Variants in ERBB4 observed in about 807,000 individuals in gnomAD.
ERBB4 encodes erb-b2 receptor tyrosine kinase 4.
A neutral mutation model predicts 158.0 loss-of-function variants in ERBB4; 42 were observed. That is an observed-to-expected ratio of 0.27 (90% confidence interval 0.21 to 0.34). The LOEUF is 0.34. Ranked by LOEUF, ERBB4 falls within the 10% of genes least tolerant of loss-of-function variation. ERBB4 has a pLI of 1.00. For missense variants in ERBB4, 1,333 were observed against 1,624.1 expected, an observed-to-expected ratio of 0.82 and a Z score of 3.08; for synonymous variants, 583 against 558.7, an observed-to-expected ratio of 1.04 and a Z score of -0.61.
At chr2:211,709,075 A>G (rs948231334) in intron 9 of ERBB4, among the ~76,000 whole-genome samples, 25 of 152,002 alleles carry the variant, frequency 1.6e-4, no homozygotes, top group Non-Finnish European at 2.9e-4. Flanking sequence ...AGTCTGGGTT[A>G]GTCTAAAGTG....
intron 20 of ERBB4, among the ~76,000 whole-genome samples, chr2:211,435,508 A>G (rs2063830127): frequency 6.6e-6 from 1 of 152,170 alleles, no homozygotes; most frequent in Admixed American, 6.5e-5. Context: ...ATGGAGCAGC[A>G]CTGGTCTGTG....
intron 12 of ERBB4, among the ~76,000 whole-genome samples, chr2:211,693,434 T>C (rs934633232): frequency 6.6e-6 from 1 of 152,186 alleles, no homozygotes; most frequent in Non-Finnish European, 1.5e-5. Flanking sequence ...GTTAGCTCTT[T>C]ATCTTTTTCT....
chr2:212,042,279 T>C (rs547263096), intron 2 of ERBB4, among the ~76,000 whole-genome samples: 1 of 152,278 alleles, frequency 6.6e-6, no homozygotes, highest in East Asian at 1.9e-4. Context: ...GGCGCTTTCC[T>C]TTCTACATGC....
chr2:211,511,064 T>C (rs2065872886), intron 20 of ERBB4, among the ~76,000 whole-genome samples: 1 of 151,980 alleles, frequency 6.6e-6, no homozygotes, highest in African/African-American at 2.4e-5. Context: ...TAAGAATGCT[T>C]ATTGGAGTAG....
intron 1 of ERBB4, among the ~76,000 whole-genome samples, chr2:212,533,621 A>T (rs1390886781): frequency 1.3e-5 from 2 of 152,188 alleles, no homozygotes; most frequent in Non-Finnish European, 2.9e-5. Flanking sequence ...TTTCATTATA[A>T]ACTGAAAACT....
intron 16 of ERBB4, 38 bp from the exon 17 acceptor site, chr2:211,630,632 T>C: frequency 1.3e-6 from 2 of 1,561,416 alleles, no homozygotes; most frequent in Non-Finnish European, 1.8e-6. Flanking sequence ...ATAAAAAGTA[T>C]GAAGAGAGAG....
intron 24 of ERBB4, among the ~76,000 whole-genome samples, chr2:211,420,859 C>A (rs1342207945): frequency 6.6e-6 from 1 of 151,840 alleles, no homozygotes; most frequent in Non-Finnish European, 1.5e-5. Context: ...AATAATAAAG[C>A]AAAATCAAAA....
intron 4 of ERBB4, among the ~76,000 whole-genome samples, chr2:211,762,070 T>G (rs1559495565): frequency 6.6e-6 from 1 of 152,216 alleles, no homozygotes; most frequent in African/African-American, 2.4e-5. Context: ...TGGCTTGTAA[T>G]AAGCAGTAAT....
At chr2:212,442,261 C>A (rs539379656) in intron 1 of ERBB4, among the ~76,000 whole-genome samples, 1 of 151,880 alleles carries the variant, frequency 6.6e-6, no homozygotes, top group African/African-American at 2.4e-5. Context: ...ATTTGAATTA[C>A]AAAAAAAGGG....
chr2:211,468,134 T>C (rs2064741685), intron 20 of ERBB4, among the ~76,000 whole-genome samples: 1 of 152,144 alleles, frequency 6.6e-6, no homozygotes. Context: ...TTAGTATTCA[T>C]GTAAACCATT....
At chr2:211,673,965 T>C (rs1192566289) in intron 13 of ERBB4, among the ~76,000 whole-genome samples, 2 of 152,142 alleles carry the variant, frequency 1.3e-5, no homozygotes, top group Non-Finnish European at 2.9e-5. Context: ...AATTGAAATC[T>C]CCTGGGATGG....
intron 5 of ERBB4, among the ~76,000 whole-genome samples, chr2:211,730,382 T>C (rs4130782): frequency 0.21 from 31,263 of 151,868 alleles, 4,094 homozygotes; most frequent in Non-Finnish European, 0.3. Flanking sequence ...CCGTTAACAA[T>C]AGAAATAAGG....
At chr2:212,532,978 G>A (rs1005112489) in intron 1 of ERBB4, among the ~76,000 whole-genome samples, 1 of 152,164 alleles carries the variant, frequency 6.6e-6, no homozygotes, top group Non-Finnish European at 1.5e-5. Flanking sequence ...ACTAGTTTAA[G>A]TATCAAGTGT....
rs149593977 is a variant in ERBB4 at position 212,141,122 on chromosome 2, G to A, written c.83-16219C>T. 5.2e-4 allele frequency among the ~76,000 whole-genome samples: 79 copies of A among 151,496 alleles called. No homozygotes were observed. The South Asian group carries it at 6.9e-3, about 13-fold the overall frequency. On this transcript the variant is annotated intron_variant, in intron 1 of 27. Transcript: ENST00000342788. ...TTAGGTTCAATAGTAGTATATTTCC[G>A]TCAAGTAAAAATGCCATAAACAAGA...
At chr2:212,409,369 T>G (rs897547834) in intron 1 of ERBB4, among the ~76,000 whole-genome samples, 1 of 152,164 alleles carries the variant, frequency 6.6e-6, no homozygotes, top group Non-Finnish European at 1.5e-5. Flanking sequence ...AGATTTTATA[T>G]GAGAAGTCTT....
intron 1 of ERBB4, among the ~76,000 whole-genome samples, chr2:212,329,275 G>A (rs2088011990): frequency 6.6e-6 from 1 of 151,948 alleles, no homozygotes; most frequent in Non-Finnish European, 1.5e-5. Flanking sequence ...TGAAGGACAG[G>A]ATAATTCACA....
intron 1 of ERBB4, among the ~76,000 whole-genome samples, chr2:212,157,048 C>A (rs2081055426): frequency 6.6e-6 from 1 of 152,074 alleles, no homozygotes; most frequent in Non-Finnish European, 1.5e-5. Flanking sequence ...CATTCCCCTG[C>A]AAAAACATGT....
In ERBB4 at chr2:212,184,662, C is replaced by T. The variant is rs148157876; in HGVS notation, c.83-59759G>A. On this transcript the variant is annotated intron_variant, in intron 1 of 27. Transcript: ENST00000342788. ...TGTTCGTTTGTTTTTGTTTATTTTA[C>T]CTACTATGCAATTTCATTGCAGTTA... Among the ~76,000 whole-genome samples, 273 of 151,980 alleles carry T rather than the reference C, an allele frequency of 1.8e-3. 1 individual carries two copies. The highest frequency in any genetic ancestry group is 6.3e-3 in the African/African-American group (261 of 41,464).
rs184802394 is a variant in ERBB4, at chr2:211,486,017, T to C, written c.2488-54917A>G. 2.0e-4 allele frequency among the ~76,000 whole-genome samples: 30 copies of C among 152,280 alleles called. No homozygotes were observed. In the East Asian group the frequency reaches 4.8e-3, roughly 24 times the overall value. On this transcript the variant is annotated intron_variant, in intron 20 of 27. Coordinates refer to ENST00000342788, the MANE Select transcript of ERBB4 (RefSeq NM_005235.3). ...AGTATCAGTTGTTTTTATATTTATGTTTTTCTGTATCTATATGTAAATATA... is the reference window on the plus strand; with the variant it reads ...AGTATCAGTTGTTTTTATATTTATGCTTTTCTGTATCTATATGTAAATATA...
Sources: gnomAD v4.1 joint callset for allele counts (sites outside exome capture counted in the v4.1 genomes callset) on GRCh38, gnomAD v4.1.1 for gene constraint, MANE v1.5 for transcripts, NCBI Gene and HGNC (gene_info 2026-07-23, HGNC 2026-07-21) for gene names.